The following UTS2B variants were observed in gnomAD, a reference collection of about 807,000 sequenced individuals.
UTS2B encodes urotensin 2B, also known as urotensin-2B.
A neutral mutation model predicts 19.2 loss-of-function variants in UTS2B; 21 were observed. The observed-to-expected ratio is 1.09, with a 90% CI of 0.78 to 1.58. The LOEUF (loss-of-function observed/expected upper bound fraction) is 1.58, where lower values mean the gene tolerates loss of function less well. UTS2B is among the 40% of genes most tolerant of loss of function. The pLI is 0.00. For missense variants in UTS2B, 138 were observed against 130.3 expected (o/e 1.06, Z -0.29); for synonymous variants, 57 against 50.2 (o/e 1.14, Z -0.58).
At chr3:191,273,513 T>C (rs1312093146) in intron 8 of UTS2B, 1 of 456,582 alleles carries the variant, frequency 2.2e-6, no homozygotes, top group African/African-American at 2.0e-5. Context: ...TCCTCTTCTG[T>C]TTTGGCAATG....
intron 2 of UTS2B, among the ~76,000 whole-genome samples, chr3:191,316,751 G>A (rs931319819): frequency 2.6e-5 from 4 of 152,056 alleles, no homozygotes; most frequent in Non-Finnish European, 5.9e-5. Flanking sequence ...AGCACTGATC[G>A]GTGCTTTTAC....
intron 2 of UTS2B, among the ~76,000 whole-genome samples, chr3:191,323,657 G>C (rs1717668612): frequency 6.6e-6 from 1 of 152,142 alleles, no homozygotes; most frequent in African/African-American, 2.4e-5. Context: ...GTAGAAAAGA[G>C]GAAGACAGAG....
chr3:191,285,586 T>A (rs141206220), intron 4 of UTS2B, among the ~76,000 whole-genome samples: 19 of 152,298 alleles, frequency 1.2e-4, no homozygotes, highest in African/African-American at 4.3e-4. Flanking sequence ...AAGAGACTCA[T>A]TTCACTTTTA....
At chr3:191,293,980 C>T (rs899349575) in intron 4 of UTS2B, among the ~76,000 whole-genome samples, 9 of 151,658 alleles carry the variant, frequency 5.9e-5, no homozygotes, top group Admixed American at 3.9e-4. Flanking sequence ...TGGTGACACA[C>T]GCCTGTAATC....
intron 4 of UTS2B, among the ~76,000 whole-genome samples, chr3:191,282,622 G>A (rs574339188): frequency 6.6e-6 from 1 of 152,250 alleles, no homozygotes; most frequent in South Asian, 2.1e-4. Flanking sequence ...TAATACTAAA[G>A]CTGAGAGCAT....
chr3:191,293,513 T>C (rs1021158593), intron 4 of UTS2B, among the ~76,000 whole-genome samples: 2 of 150,332 alleles, frequency 1.3e-5, no homozygotes, highest in African/African-American at 5.0e-5. Flanking sequence ...TTTCTAATTG[T>C]TGGCATTCAA....
At chr3:191,296,551 A>G (rs1716863527) in intron 4 of UTS2B, among the ~76,000 whole-genome samples, 2 of 152,226 alleles carry the variant, frequency 1.3e-5, no homozygotes, top group Admixed American at 6.5e-5. Flanking sequence ...ATCTCCAGTA[A>G]CCACAATTCC....
chr3:191,316,473 G>A (rs558094126), intron 2 of UTS2B, 34 bp from the exon 3 acceptor site: 2 of 152,426 alleles, frequency 1.3e-5, no homozygotes, highest in Admixed American at 6.5e-5. Context: ...CTCCCACAGT[G>A]TGAAAGTCAC....
At chr3:191,275,429 C>A (rs1395103110) in intron 7 of UTS2B, 84 bp from the exon 8 acceptor site, 14 of 1,097,208 alleles carry the variant, frequency 1.3e-5, no homozygotes, top group Non-Finnish European at 1.8e-5. Flanking sequence ...GCCTGTAATC[C>A]CAGCACTTCG....
the UTS2B span, among the ~76,000 whole-genome samples, chr3:191,341,219 G>GA: frequency 5.3e-5 from 8 of 152,262 alleles, no homozygotes; most frequent in Non-Finnish European, 8.8e-5. Context: ...ATACCTAATA[G>GA]AAAATAACTA....
At chr3:191,339,535 T>C in the UTS2B span, among the ~76,000 whole-genome samples, 1 of 152,152 alleles carries the variant, frequency 6.6e-6, no homozygotes, top group African/African-American at 2.4e-5. Flanking sequence ...CCAAGCAAAC[T>C]GTAGGTTGTA....
Position 191,274,100 on chromosome 3 carries a change from GAA to G in UTS2B, c.334+1150_334+1151del, listed in dbSNP as rs77466936. Among the ~76,000 whole-genome samples, 4 of 141,314 alleles carry G rather than the reference GAA, an allele frequency of 2.8e-5. No homozygotes were observed. The South Asian group carries it at 6.7e-4, about 24-fold the overall frequency. The allele number at this position is 141,314 out of a possible 152,430, so 92.7% of individuals were successfully genotyped here. A position where few individuals can be genotyped will look rare whatever the true frequency, so the allele number is the denominator to read the frequency against. On this transcript the variant is annotated intron_variant, in intron 8 of 8. Transcript: ENST00000340524. ...CTGGGCAGTGAAACTCCGTCTCAAA[GAA>G]AAAAAAAAAGCCACTAAATTCCCTC...
At chr3:191,287,634 C>A (rs1164479626) in intron 4 of UTS2B, among the ~76,000 whole-genome samples, 1 of 151,922 alleles carries the variant, frequency 6.6e-6, no homozygotes, top group African/African-American at 2.4e-5. Flanking sequence ...ATATGAAAAA[C>A]CCATAGCTAA....
At chr3:191,297,102 A>C (rs1716877099) in intron 4 of UTS2B, among the ~76,000 whole-genome samples, 1 of 152,136 alleles carries the variant, frequency 6.6e-6, no homozygotes, top group Admixed American at 6.5e-5. Flanking sequence ...CCTTCCTATA[A>C]CTTCTGTGCC....
chr3:191,302,909 T>C (rs1443631925), intron 4 of UTS2B, among the ~76,000 whole-genome samples: 1 of 152,212 alleles, frequency 6.6e-6, no homozygotes, highest in East Asian at 1.9e-4. Context: ...CTCTCTAAAG[T>C]TCCCTTAACT....
intron 4 of UTS2B, among the ~76,000 whole-genome samples, chr3:191,283,505 T>C (rs12488359): frequency 0.51 from 76,794 of 151,944 alleles, 21,147 homozygotes; most frequent in Middle Eastern, 0.63. Context: ...CAAAATTCAT[T>C]TCTTCTTTCA....
At chr3:191,294,584 T>C (rs1383187068) in intron 4 of UTS2B, 1 of 151,930 alleles carries the variant, frequency 6.6e-6, no homozygotes, top group African/African-American at 2.4e-5. Flanking sequence ...AGGGTGATGG[T>C]AGTTCTAGAA....
intron 3 of UTS2B, among the ~76,000 whole-genome samples, chr3:191,313,537 T>G (rs1717360100): frequency 6.7e-6 from 1 of 150,188 alleles, no homozygotes; most frequent in African/African-American, 2.5e-5. Context: ...TGTGAGATAA[T>G]AACAGTTATG....
rs1716404503 is a variant in UTS2B, at chr3:191,282,112, C to A, written c.78G>T (p.Val26=). ...CTTGGGTAAGATATGGTCGTCCATG[C>A]ACAGATTGTAAAAAACTCAACACGG... is the stretch of plus-strand genomic sequence containing the variant. ...LLSVLSFLQS[V]HGRPYLTQGN... The change falls in exon 5 of 9, where the codon GTG becomes GTT. Residue 26 remains valine, a synonymous_variant. Transcript: ENST00000340524. The A allele has an allele frequency of 3.1e-6, 5 of 1,613,236 alleles. No homozygotes were observed. The African/African-American group carries it at 4.0e-5, about 13-fold the overall frequency.
Sources: gnomAD v4.1 joint callset for allele counts (sites outside exome capture counted in the v4.1 genomes callset) on GRCh38, gnomAD v4.1.1 for gene constraint, MANE v1.5 for transcripts, NCBI Gene and HGNC (gene_info 2026-07-23, HGNC 2026-07-21) for gene names.